COPG2: variants seen among roughly 807,000 people sequenced by gnomAD.
The protein encoded by COPG2 is coat protein complex I subunit gamma 2.
In COPG2, 37 loss-of-function variants were observed where a neutral mutation model predicts 46.3. The ratio of observed to expected loss-of-function variants is 0.80; its 90% confidence interval spans 0.61 to 1.05. The LOEUF (loss-of-function observed/expected upper bound fraction) is 1.05, where lower values mean the gene tolerates loss of function less well. Among genes scored for constraint, COPG2 ranks in the 50% least tolerant of loss-of-function variants. COPG2 has a pLI of 0.00. For missense variants in COPG2, 427 were observed against 387.8 expected (o/e 1.10, Z -0.85); for synonymous variants, 159 against 129.7 (o/e 1.23, Z -1.53).
chr7:130,665,904 G>A (rs1241215589), intron 3 of COPG2, among the ~76,000 whole-genome samples: 2 of 151,344 alleles, frequency 1.3e-5, no homozygotes, highest in Non-Finnish European at 2.9e-5. Flanking sequence ...TACATTTCAT[G>A]AGCGCAAATA....
chr7:130,571,436 T>C (rs1054835233), intron 9 of COPG2, among the ~76,000 whole-genome samples: 5 of 152,074 alleles, frequency 3.3e-5, no homozygotes, highest in Middle Eastern at 6.8e-3. Flanking sequence ...CCAACAAACA[T>C]ATGAAAAAAA....
At position 130,506,254 on chromosome 7, in the gene COPG2, G is replaced by C. The variant is rs1486805581; in HGVS notation, c.*422C>G. 1 of 152,116 alleles carries C rather than the reference G, an allele frequency of 6.6e-6. No homozygotes were observed. Among genetic ancestry groups the C allele is most frequent in the Non-Finnish European group, 1.5e-5 (1 of 68,036 alleles). The allele number at this position is 152,116 out of a possible 1,614,324, so 9.4% of individuals were successfully genotyped here. A position where few individuals can be genotyped will look rare whatever the true frequency, so the allele number is the denominator to read the frequency against. ...TATAACAACTTTGAAACTGGAATAA[G>C]TGTTTATTTTCTATTAATAAAAATG... On this transcript the variant is annotated 3_prime_UTR_variant, in exon 24 of 24. Transcript: ENST00000425248.
At chr7:130,557,351 A>G (rs1793643586) in intron 12 of COPG2, among the ~76,000 whole-genome samples, 1 of 152,228 alleles carries the variant, frequency 6.6e-6, no homozygotes, top group African/African-American at 2.4e-5. Flanking sequence ...AAGGCATAAA[A>G]GCAGATTTGA....
chr7:130,620,445 A>G (rs1453444405), intron 5 of COPG2, among the ~76,000 whole-genome samples: 2 of 152,204 alleles, frequency 1.3e-5, no homozygotes, highest in Non-Finnish European at 2.9e-5. Flanking sequence ...TGGCCCATAG[A>G]GTGGAGCTGG....
chr7:130,509,459 AT>A, intron 20 of COPG2: 1 of 378,876 alleles, frequency 2.6e-6, no homozygotes, highest in South Asian at 2.0e-5. Flanking sequence ...GGTACAAAAA[AT>A]ATTAGATATT....
rs587638375 is a variant in COPG2 at position 130,590,831 on chromosome 7, C to G, written c.737+20122G>C. Among the ~76,000 whole-genome samples, 14 of 152,040 alleles carry G rather than the reference C, an allele frequency of 9.2e-5. No individual in the cohort carries two copies. The East Asian group carries it at 1.4e-3, about 15-fold the overall frequency. On this transcript the variant is annotated intron_variant, in intron 9 of 23. Coordinates refer to ENST00000425248, the MANE Select transcript of COPG2 (RefSeq NM_012133.6). ...TGGGGAGCACCTCTGCCCTGCCCCC[C>G]CGTCTGGGATGTGAGGAGCGTCTCT... is the stretch of plus-strand genomic sequence containing the variant.
At chr7:130,600,280 T>A (rs1794610984) in intron 9 of COPG2, among the ~76,000 whole-genome samples, 1 of 152,146 alleles carries the variant, frequency 6.6e-6, no homozygotes, top group Admixed American at 6.5e-5. Context: ...TTATTTATTT[T>A]TTGAGACAGA....
intron 5 of COPG2, among the ~76,000 whole-genome samples, chr7:130,630,931 T>C (rs1332792391): frequency 6.6e-6 from 1 of 152,152 alleles, no homozygotes; most frequent in Non-Finnish European, 1.5e-5. Flanking sequence ...TAGTTCCAAC[T>C]ACTTGGGAGG....
In COPG2 at chr7:130,616,999, C is replaced by A; in HGVS notation, c.390G>T (p.Arg130Ser). Residue 130 changes from arginine to serine, a missense_variant, in exon 6 of 24, where the codon AGG becomes AGT. Transcript: ENST00000425248. Reference protein sequence around the residue: ...YRGPAIRALCRITDGTMLQAI... With the variant: ...YRGPAIRALCSITDGTMLQAI... Reference sequence around the variant, plus strand: ...GAAACAGATAACTTACATCGGTGATCCTGCAGAGAGCTCTGATGGCCGGGC... The same window carrying A: ...GAAACAGATAACTTACATCGGTGATACTGCAGAGAGCTCTGATGGCCGGGC... The A allele has an allele frequency of 6.2e-7, 1 of 1,608,588 alleles. No homozygotes were observed. Among genetic ancestry groups the A allele is most frequent in the Non-Finnish European group, 8.5e-7 (1 of 1,175,726 alleles).
At chr7:130,532,179 G>C (rs1042724090) in intron 20 of COPG2, among the ~76,000 whole-genome samples, 1 of 152,324 alleles carries the variant, frequency 6.6e-6, no homozygotes, top group Non-Finnish European at 1.5e-5. Context: ...GTTCCCGACA[G>C]ACCAGGACAA....
chr7:130,545,406 G>T (rs1793424622), intron 20 of COPG2, among the ~76,000 whole-genome samples: 1 of 152,036 alleles, frequency 6.6e-6, no homozygotes. Flanking sequence ...TTATTTTTCT[G>T]AAATGAGACA....
At chr7:130,651,192 A>ATT (rs1795730877) in intron 5 of COPG2, among the ~76,000 whole-genome samples, 1 of 152,254 alleles carries the variant, frequency 6.6e-6, no homozygotes, top group Non-Finnish European at 1.5e-5. Context: ...TATAAATTAT[A>ATT]TATACTTATT....
At chr7:130,643,988 G>A (rs1795544218) in intron 5 of COPG2, among the ~76,000 whole-genome samples, 1 of 152,108 alleles carries the variant, frequency 6.6e-6, no homozygotes, top group Admixed American at 6.5e-5. Flanking sequence ...AAAGAAATGA[G>A]CAGCAGTGCA....
At chr7:130,570,861 C>A (rs528815876) in intron 9 of COPG2, among the ~76,000 whole-genome samples, 2 of 152,268 alleles carry the variant, frequency 1.3e-5, no homozygotes, top group Admixed American at 1.3e-4. Flanking sequence ...GCAAAGAGAC[C>A]AATGTAACAG....
chr7:130,556,128 C>T, intron 12 of COPG2, among the ~76,000 whole-genome samples: 1 of 152,126 alleles, frequency 6.6e-6, no homozygotes, highest in African/African-American at 2.4e-5. Flanking sequence ...TGAATAAGAA[C>T]CCTAAGGATG....
chr7:130,627,770 G>T (rs1795143509), intron 5 of COPG2, among the ~76,000 whole-genome samples: 1 of 144,118 alleles, frequency 6.9e-6, no homozygotes, highest in African/African-American at 2.5e-5. Flanking sequence ...GGGGATGCGG[G>T]GGGTGGGGGG....
Position 130,662,761 on chromosome 7 carries a change from C to T in COPG2, c.243+206G>A, listed in dbSNP as rs532665649. Among the ~76,000 whole-genome samples, 4 of 152,276 alleles carry T rather than the reference C, an allele frequency of 2.6e-5. No individual in the cohort carries two copies. In the East Asian group the frequency reaches 5.8e-4, roughly 22 times the overall value. ...GGTATTAACAGTCTTTATGACTTCA[C>T]GGTAGATCTGCAGGGAAAAGTTTTA... On this transcript the variant is annotated intron_variant, in intron 4 of 23. Transcript: ENST00000425248.
At chr7:130,522,242 T>C (rs1366881930) in intron 20 of COPG2, among the ~76,000 whole-genome samples, 1 of 151,884 alleles carries the variant, frequency 6.6e-6, no homozygotes, top group African/African-American at 2.4e-5. Flanking sequence ...AAAAATGAGA[T>C]GAAAACATCC....
chr7:130,600,661 A>T (rs1794618916), intron 9 of COPG2, among the ~76,000 whole-genome samples: 1 of 152,080 alleles, frequency 6.6e-6, no homozygotes, highest in Non-Finnish European at 1.5e-5. Flanking sequence ...TATAGTTAGT[A>T]TACATTTTTT....
Sources: gnomAD v4.1 joint callset for allele counts (sites outside exome capture counted in the v4.1 genomes callset) on GRCh38, gnomAD v4.1.1 for gene constraint, MANE v1.5 for transcripts, NCBI Gene and HGNC (gene_info 2026-07-23, HGNC 2026-07-21) for gene names.